Variants in SLC4A4 observed in about 807,000 individuals in gnomAD.
The protein encoded by SLC4A4 is electrogenic sodium bicarbonate cotransporter 1.
In SLC4A4, 27 loss-of-function variants were observed where a neutral mutation model predicts 111.5. The ratio of observed to expected loss-of-function variants is 0.24; its 90% CI spans 0.18 to 0.33. The LOEUF is 0.33. Ranked by LOEUF, SLC4A4 falls within the 10% of genes least tolerant of loss-of-function variation. SLC4A4 has a pLI of 1.00. For synonymous variants in SLC4A4, 443 were observed against 463.4 expected (o/e 0.96, Z 0.57); for missense variants, 909 against 1,315.5 (o/e 0.69, Z 4.78).
intron 16 of SLC4A4, among the ~76,000 whole-genome samples, chr4:71,498,628 C>T (rs1174535034): frequency 6.6e-6 from 1 of 152,096 alleles, no homozygotes; most frequent in Non-Finnish European, 1.5e-5. Context: ...AAATTTTTGA[C>T]TCTCTGATTC....
chr4:71,468,745 A>AC (rs1727610381), intron 13 of SLC4A4, among the ~76,000 whole-genome samples: 1 of 151,002 alleles, frequency 6.6e-6, no homozygotes, highest in Non-Finnish European at 1.5e-5. Flanking sequence ...GAAAAAAAAA[A>AC]ACCTCTGTGG....
At chr4:71,425,645 T>G (rs1723055380) in intron 7 of SLC4A4, among the ~76,000 whole-genome samples, 1 of 152,078 alleles carries the variant, frequency 6.6e-6, no homozygotes, top group South Asian at 2.1e-4. Context: ...ACATGTAAGA[T>G]GTACATTGGT....
chr4:71,236,770 GT>G (rs1461896860), intron 2 of SLC4A4, 121 bp downstream of exon 2: 1 of 825,888 alleles, frequency 1.2e-6, no homozygotes, highest in Non-Finnish European at 2.0e-6. Context: ...TTTCTATAGA[GT>G]TTCATCAATC....
intron 6 of SLC4A4, 107 bp from the exon 7 acceptor site, chr4:71,397,470 T>G: frequency 1.0e-6 from 1 of 986,814 alleles, no homozygotes; most frequent in Non-Finnish European, 1.6e-6. Flanking sequence ...GTTAAAAGTA[T>G]CATCACCATT....
intron 2 of SLC4A4, among the ~76,000 whole-genome samples, chr4:71,156,258 C>T (rs1457162000): frequency 2.0e-5 from 3 of 151,998 alleles, no homozygotes; most frequent in Non-Finnish European, 4.4e-5. Context: ...TTTGGTGAAC[C>T]TCAGAAAGGT....
chr4:71,416,856 T>C (rs1229592657), intron 7 of SLC4A4, among the ~76,000 whole-genome samples: 2 of 152,208 alleles, frequency 1.3e-5, no homozygotes, highest in African/African-American at 4.8e-5. Context: ...AAAGAAAGAC[T>C]CTTTTTCAAA....
chr4:71,322,941 C>G (rs1050455439), intron 3 of SLC4A4, among the ~76,000 whole-genome samples: 2 of 151,878 alleles, frequency 1.3e-5, no homozygotes, highest in African/African-American at 4.8e-5. Context: ...TTCGTGGCTT[C>G]CCAGTTAAGT....
intron 7 of SLC4A4, among the ~76,000 whole-genome samples, chr4:71,428,757 G>A (rs148770973): frequency 6.6e-5 from 10 of 152,138 alleles, no homozygotes; most frequent in African/African-American, 1.9e-4. Context: ...TGGACATGAG[G>A]CAGGGTAAAT....
intron 18 of SLC4A4, among the ~76,000 whole-genome samples, chr4:71,534,845 A>T (rs1179025433): frequency 6.6e-6 from 1 of 152,112 alleles, no homozygotes; most frequent in Non-Finnish European, 1.5e-5. Flanking sequence ...TTGTCTTCAC[A>T]TACTTGTGTC....
In SLC4A4 at chr4:71,497,393, C is replaced by T. The variant is rs1026379342; in HGVS notation, c.1975-108C>T. 5 of 917,254 alleles carry T rather than the reference C, an allele frequency of 5.5e-6. No individual in the cohort carries two copies. The East Asian group carries it at 1.3e-4, about 24-fold the overall frequency. 56.8% of individuals were successfully genotyped at this position (917,254 alleles called of 1,614,324 possible). On this transcript the variant is annotated intron_variant, in intron 15 of 25. Transcript: ENST00000264485. ...TCACCCTCCAGTGCTTATTTTCAAA[C>T]TGTTTTACAGAAACTTTTGGTATAA...
At chr4:71,550,249 G>A (rs548790733) in intron 20 of SLC4A4, among the ~76,000 whole-genome samples, 4 of 152,036 alleles carry the variant, frequency 2.6e-5, no homozygotes, top group South Asian at 4.1e-4. Context: ...TCAAGGATTC[G>A]CAGTTGTGAT....
At chr4:71,342,121 AT>A (rs1257683038) in intron 4 of SLC4A4, among the ~76,000 whole-genome samples, 1 of 152,128 alleles carries the variant, frequency 6.6e-6, no homozygotes, top group East Asian at 1.9e-4. Context: ...TCCACTCCTC[AT>A]CTGTAATACT....
intron 3 of SLC4A4, among the ~76,000 whole-genome samples, chr4:71,321,486 A>G (rs1265874477): frequency 2.0e-5 from 3 of 151,706 alleles, no homozygotes; most frequent in Non-Finnish European, 4.4e-5. Context: ...ATTAGTAGAC[A>G]TATGTTGCTG....
chr4:71,357,206 G>A lies in SLC4A4; in HGVS notation c.730+19G>A. 1 of 1,612,188 alleles carries A rather than the reference G, an allele frequency of 6.2e-7. No individual in the cohort carries two copies. The highest frequency in any genetic ancestry group is 1.1e-5 in the South Asian group (1 of 91,028). ...GATAATGGTAATGCAGAGGCCAGCTGGCTGCTGCTTTCTCTTACTTATTTC... is the reference window on the plus strand; with the variant it reads ...GATAATGGTAATGCAGAGGCCAGCTAGCTGCTGCTTTCTCTTACTTATTTC... On this transcript the variant is annotated intron_variant, in intron 6 of 25. Transcript: ENST00000264485.
At chr4:71,376,525 T>C (rs1311538480) in intron 6 of SLC4A4, among the ~76,000 whole-genome samples, 4 of 150,352 alleles carry the variant, frequency 2.7e-5, no homozygotes, top group Non-Finnish European at 4.4e-5. Flanking sequence ...TTTTAACAGG[T>C]TGAACACAGA....
intron 19 of SLC4A4, among the ~76,000 whole-genome samples, chr4:71,547,017 A>G (rs1735599830): frequency 1.3e-5 from 2 of 151,998 alleles, no homozygotes; most frequent in Admixed American, 1.3e-4. Flanking sequence ...TACTCTGTTG[A>G]GCACTTTTTA....
rs1307964216 is a variant in SLC4A4 at position 71,255,072 on chromosome 4, A to T, written c.74-148A>T. Reference sequence around the variant, plus strand: ...ATACTGAAGCTAATTGAAAATTGGGAGGAAATTTTATTTTTCTAGAGTTTG... The same window carrying T: ...ATACTGAAGCTAATTGAAAATTGGGTGGAAATTTTATTTTTCTAGAGTTTG... On this transcript the variant is annotated intron_variant, in intron 2 of 25. Transcript: ENST00000264485. 1.4e-5 allele frequency: 11 copies of T among 810,654 alleles called. No homozygotes were observed. In the Admixed American group the frequency reaches 2.0e-4, roughly 15 times the overall value. The allele number at this position is 810,654 out of a possible 1,614,324, so 50.2% of individuals were successfully genotyped here. A position where few individuals can be genotyped will look rare whatever the true frequency, so the allele number is the denominator to read the frequency against.
chr4:71,150,955 A>G (rs1029479497), intron 2 of SLC4A4, among the ~76,000 whole-genome samples: 3 of 152,188 alleles, frequency 2.0e-5, no homozygotes, highest in African/African-American at 7.2e-5. Context: ...CCATGCCTCA[A>G]ATTGTTCTTG....
At chr4:71,154,955 A>T (rs1744419003) in intron 2 of SLC4A4, among the ~76,000 whole-genome samples, 1 of 152,328 alleles carries the variant, frequency 6.6e-6, no homozygotes, top group East Asian at 1.9e-4. Flanking sequence ...TTTTATTCTT[A>T]TACATTACCA....
Sources: allele counts gnomAD v4.1 joint callset (sites outside exome capture counted in the v4.1 genomes callset), GRCh38; gene constraint gnomAD v4.1.1; transcripts MANE v1.5; gene names NCBI Gene and HGNC (gene_info 2026-07-23, HGNC 2026-07-21).